FGFR1: variants seen among roughly 807,000 people sequenced by gnomAD.
FGFR1 encodes FGFR1/PLAG1 fusion.
In FGFR1, 18 loss-of-function variants were observed where a neutral mutation model predicts 93.7. The ratio of observed to expected loss-of-function variants is 0.19; its 90% CI spans 0.13 to 0.28. The LOEUF is 0.28. Ranked by LOEUF, FGFR1 falls within the 10% of genes least tolerant of loss-of-function variation. The pLI, the probability that FGFR1 is intolerant of heterozygous loss-of-function variation, is 1.00. For synonymous variants in FGFR1, 448 were observed against 429.3 expected, an observed-to-expected ratio of 1.04 and a Z score of -0.54; for missense variants, 731 against 1,080.4, an observed-to-expected ratio of 0.68 and a Z score of 4.53.
chr8:38,456,173 C>T (rs901504510), intron 2 of FGFR1, among the ~76,000 whole-genome samples: 5 of 152,214 alleles, frequency 3.3e-5, no homozygotes, highest in East Asian at 3.8e-4. Flanking sequence ...CACCCCATCA[C>T]GCGCACCTCC....
chr8:38,467,064 G>A (rs1158669297), intron 1 of FGFR1, among the ~76,000 whole-genome samples: 2 of 152,002 alleles, frequency 1.3e-5, no homozygotes, highest in Non-Finnish European at 1.5e-5. Flanking sequence ...GTGCAGAGGG[G>A]TCTGGGCCAG....
intron 2 of FGFR1, among the ~76,000 whole-genome samples, chr8:38,454,540 T>C (rs1563616592): frequency 1.3e-5 from 2 of 152,128 alleles, no homozygotes. Context: ...TGCTGTAGTG[T>C]CTTTACTACT....
At chr8:38,443,965 A>C (rs1186013260) in intron 2 of FGFR1, among the ~76,000 whole-genome samples, 1 of 150,078 alleles carries the variant, frequency 6.7e-6, no homozygotes, top group Non-Finnish European at 1.5e-5. Flanking sequence ...AGGCAGGAGA[A>C]CTGCGTGAAC....
chr8:38,443,021 C>T (rs757009879), intron 2 of FGFR1, among the ~76,000 whole-genome samples: 2 of 152,210 alleles, frequency 1.3e-5, no homozygotes, highest in African/African-American at 2.4e-5. Flanking sequence ...AGGTTTCACA[C>T]GATGAGACTA....
At position 38,428,326 on chromosome 8, in the gene FGFR1, G is replaced by A. The variant is rs767029419; in HGVS notation, c.448+20C>T. 2.6e-5 allele frequency: 42 copies of A among 1,611,006 alleles called. No individual in the cohort carries two copies. In the Admixed American group the frequency reaches 7.0e-4, roughly 27 times the overall value. On this transcript the variant is annotated intron_variant, in intron 4 of 17. Coordinates refer to ENST00000447712, the MANE Select transcript of FGFR1 (RefSeq NM_023110.3). ...AATGCCCAGACCCAAAGGGCAGTAA[G>A]ATAGGAAACAGTGTCTCACGCATAC...
intron 1 of FGFR1, chr8:38,466,192 A>T: frequency 4.3e-6 from 1 of 232,406 alleles, no homozygotes; most frequent in Non-Finnish European, 8.5e-6. Flanking sequence ...CCTTAAAAAC[A>T]CACAGAGAGC....
chr8:38,436,117 G>A (rs1825320084), intron 2 of FGFR1, among the ~76,000 whole-genome samples: 1 of 152,322 alleles, frequency 6.6e-6, no homozygotes, highest in Middle Eastern at 3.4e-3. Flanking sequence ...GCTCATGCCT[G>A]TAATCCCAGC....
At chr8:38,456,283 T>C (rs1832811697) in intron 2 of FGFR1, among the ~76,000 whole-genome samples, 1 of 152,158 alleles carries the variant, frequency 6.6e-6, no homozygotes, top group Admixed American at 6.6e-5. Flanking sequence ...ACATTAGTTT[T>C]CAAAGTCCCG....
rs918687774 is a variant in FGFR1, at chr8:38,468,498, G to A, written c.-606C>T. 25 of 228,572 alleles carry A rather than the reference G, an allele frequency of 1.1e-4. No homozygotes were observed. Among genetic ancestry groups the A allele is most frequent in the Non-Finnish European group, 1.9e-4 (22 of 114,918 alleles). The allele number at this position is 228,572 out of a possible 1,614,324, so 14.2% of individuals were successfully genotyped here. On this transcript the variant is annotated 5_prime_UTR_variant, in exon 1 of 18. Transcript: ENST00000447712. ...GCTACGAGGGGTCTCGGTCCCGTCC[G>A]GACGTGGCCGCCCAGCTCCCGGCAC...
rs2150854160 is a variant in FGFR1 at position 38,426,065 on chromosome 8, C to T, written c.745+57G>A. 1.2e-6 allele frequency: 2 copies of T among 1,612,496 alleles called. No homozygotes were observed. The highest frequency in any genetic ancestry group is 2.2e-5 in the East Asian group (1 of 44,876). On this transcript the variant is annotated intron_variant, in intron 6 of 17. Transcript: ENST00000447712. The surrounding 1 kb of genome is among the most constrained non-coding windows in gnomAD (Gnocchi z 4.1). Reference sequence around the variant, plus strand: ...GAAACCTGGACACCCCGGCTGTGTTCTCCAAGCCTGGCTCTTCCCACTAAA... The same window carrying T: ...GAAACCTGGACACCCCGGCTGTGTTTTCCAAGCCTGGCTCTTCCCACTAAA...
At position 38,412,050 on chromosome 8, in the gene FGFR1, T is replaced by C. The variant is rs1814559462; in HGVS notation, c.*1578A>G. The C allele has an allele frequency of 4.5e-6, 1 of 224,214 alleles. No homozygotes were observed. Among genetic ancestry groups the C allele is most frequent in the Non-Finnish European group, 8.9e-6 (1 of 112,426 alleles). The allele number at this position is 224,214 out of a possible 1,614,324, so 13.9% of individuals were successfully genotyped here. A position where few individuals can be genotyped will look rare whatever the true frequency, so the allele number is the denominator to read the frequency against. ...AGACACATGTCTGGGTTTCAGTTTC[T>C]GCAGACCTTCATCATTTGTTTTCCT... On this transcript the variant is annotated 3_prime_UTR_variant, in exon 18 of 18. Coordinates refer to ENST00000447712, the MANE Select transcript of FGFR1 (RefSeq NM_023110.3).
intron 1 of FGFR1, among the ~76,000 whole-genome samples, chr8:38,462,770 A>AT (rs968298328): frequency 4.0e-5 from 6 of 151,468 alleles, no homozygotes; most frequent in African/African-American, 7.3e-5. Flanking sequence ...AGCCCGGCTA[A>AT]TTTTTTTATT....
intron 2 of FGFR1, among the ~76,000 whole-genome samples, chr8:38,452,127 A>G (rs749397108): frequency 3.6e-4 from 54 of 151,676 alleles, no homozygotes; most frequent in Non-Finnish European, 7.4e-4. Context: ...ATCCCTCAGG[A>G]GCACTTGCAG....
At chr8:38,428,490 C>A (rs1201602040) in intron 3 of FGFR1, 55 bp from the exon 4 acceptor site, 2 of 1,430,794 alleles carry the variant, frequency 1.4e-6, no homozygotes, top group Non-Finnish European at 1.9e-6. Flanking sequence ...TAGATTTCAC[C>A]AAGGCTAGTG....
chr8:38,416,547 C>A (rs1816725479), intron 12 of FGFR1, among the ~76,000 whole-genome samples: 1 of 151,006 alleles, frequency 6.6e-6, no homozygotes, highest in East Asian at 2.0e-4. Flanking sequence ...CCTCCGCCTC[C>A]CGTGTTCAAA....
intron 2 of FGFR1, among the ~76,000 whole-genome samples, chr8:38,447,367 G>A (rs555642882): frequency 8.5e-5 from 13 of 152,126 alleles, no homozygotes; most frequent in African/African-American, 2.4e-4. Context: ...CTTAAGATAG[G>A]TTACTTAACC....
In FGFR1 at chr8:38,418,273, T is replaced by C. The variant is rs367955950; in HGVS notation, c.1385A>G (p.Glu462Gly). 1 of 1,614,098 alleles carries C rather than the reference T, an allele frequency of 6.2e-7. No homozygotes were observed. The highest frequency in any genetic ancestry group is 8.5e-7 in the Non-Finnish European group (1 of 1,180,048). ...GCGAGGGTCTTCGGGAAGCTCATAC[T>C]CAGAGACCCCTGCTAGCATGGGAGT... ...SGTPMLAGVS[E>G]YELPEDPRWE... The change falls in exon 10 of 18, where the codon GAG (glutamate) becomes GGG (glycine). Residue 462 changes from glutamate (E) to glycine (G), a missense_variant. Glu to Gly is a moderately conservative substitution (Grantham distance 98). Coordinates refer to ENST00000447712, the MANE Select transcript of FGFR1 (RefSeq NM_023110.3).
intron 2 of FGFR1, among the ~76,000 whole-genome samples, chr8:38,436,560 G>A (rs1825504165): frequency 6.6e-6 from 1 of 152,060 alleles, no homozygotes; most frequent in South Asian, 2.1e-4. Flanking sequence ...GCTGGCGGGT[G>A]GACCTTGGGA....
At chr8:38,457,649 G>T (rs2151359072) in intron 1 of FGFR1, 115 bp from the exon 2 acceptor site, 4 of 1,039,020 alleles carry the variant, frequency 3.8e-6, no homozygotes, top group Non-Finnish European at 4.1e-6. Flanking sequence ...GACTTACTAA[G>T]GCGTCCAGAA....
Sources: gnomAD v4.1 joint callset for allele counts (sites outside exome capture counted in the v4.1 genomes callset) on GRCh38, gnomAD v4.1.1 for gene constraint, Gnocchi (gnomAD v3.1) non-coding constraint, MANE v1.5 for transcripts, NCBI Gene and HGNC (gene_info 2026-07-23, HGNC 2026-07-21) for gene names.